The following ARMH4 variants were observed in gnomAD, a reference collection of about 807,000 sequenced individuals.
ARMH4 encodes armadillo-like helical domain-containing protein 4.
A neutral mutation model predicts 61.9 loss-of-function variants in ARMH4; 49 were observed. That is an observed-to-expected ratio of 0.79 (90% CI 0.63 to 1.00). The LOEUF (loss-of-function observed/expected upper bound fraction) is 1.00, where lower values mean the gene tolerates loss of function less well. Among genes scored for constraint, ARMH4 ranks in the 50% least tolerant of loss-of-function variants. ARMH4 has a pLI of 0.00. For missense variants in ARMH4, 934 were observed against 930.0 expected, an observed-to-expected ratio of 1.00 and a Z score of -0.06; for synonymous variants, 368 against 341.5, an observed-to-expected ratio of 1.08 and a Z score of -0.85.
chr14:58,101,993 TAA>T (rs569159689), intron 4 of ARMH4, among the ~76,000 whole-genome samples: 21 of 152,154 alleles, frequency 1.4e-4, no homozygotes, highest in African/African-American at 5.1e-4. Context: ...ATGCTGAGAA[TAA>T]AATGAAACTT....
At chr14:58,088,656 C>T (rs1357143902) in intron 5 of ARMH4, among the ~76,000 whole-genome samples, 10 of 152,184 alleles carry the variant, frequency 6.6e-5, no homozygotes, top group African/African-American at 2.2e-4. Flanking sequence ...CCCACTCATC[C>T]TGGATACAGG....
Position 58,138,791 on chromosome 14 carries a change from G to T in ARMH4, c.568C>A (p.Gln190Lys). ...TKGFLKYMDN[Q>K]SFATESQEGV... ...TCCTGACTTTCAGTTGCAAATGATTGATTATCCATATACTTCAGAAAACCT... is the reference window on the plus strand; with the variant it reads ...TCCTGACTTTCAGTTGCAAATGATTTATTATCCATATACTTCAGAAAACCT... Residue 190 changes from glutamine to lysine, a missense_variant, in exon 2 of 8, where the codon CAA becomes AAA. Coordinates refer to ENST00000267485, the MANE Select transcript of ARMH4 (RefSeq NM_001001872.4). 1 of 1,614,212 alleles carries T rather than the reference G, an allele frequency of 6.2e-7. No individual in the cohort carries two copies. Among genetic ancestry groups the T allele is most frequent in the South Asian group, 1.1e-5 (1 of 91,082 alleles).
chr14:58,020,237 G>T (rs546010920), intron 5 of ARMH4, among the ~76,000 whole-genome samples: 1 of 152,178 alleles, frequency 6.6e-6, no homozygotes, highest in Non-Finnish European at 1.5e-5. Context: ...ACTCTGGGGA[G>T]GGGTGAGGGC....
chr14:58,070,052 A>T (rs1457415104), intron 5 of ARMH4, among the ~76,000 whole-genome samples: 1 of 152,160 alleles, frequency 6.6e-6, no homozygotes, highest in African/African-American at 2.4e-5. Context: ...AAGAAGGGTA[A>T]ATTGAACAGT....
chr14:58,016,931 C>A (rs1027117812), intron 5 of ARMH4, among the ~76,000 whole-genome samples: 3 of 152,188 alleles, frequency 2.0e-5, no homozygotes, highest in African/African-American at 7.2e-5. Context: ...GACAAGGATG[C>A]TCACTCTTGC....
chr14:58,128,990 G>C (rs1175982333), intron 4 of ARMH4, among the ~76,000 whole-genome samples: 2 of 152,182 alleles, frequency 1.3e-5, no homozygotes, highest in African/African-American at 4.8e-5. Context: ...GAGTCATGCT[G>C]CCTCAAGCCA....
chr14:58,052,727 G>T (rs139110298), intron 5 of ARMH4, among the ~76,000 whole-genome samples: 3 of 152,030 alleles, frequency 2.0e-5, no homozygotes, highest in South Asian at 2.1e-4. Flanking sequence ...CATCATCACC[G>T]ACTCCCATGG....
At chr14:58,043,102 T>G (rs1351859359) in intron 5 of ARMH4, among the ~76,000 whole-genome samples, 1 of 152,176 alleles carries the variant, frequency 6.6e-6, no homozygotes, top group Non-Finnish European at 1.5e-5. Flanking sequence ...TAACTCATTT[T>G]ATGAGGCCAG....
intron 5 of ARMH4, among the ~76,000 whole-genome samples, chr14:58,024,195 C>T (rs1358091758): frequency 1.3e-5 from 2 of 152,152 alleles, no homozygotes; most frequent in African/African-American, 4.8e-5. Flanking sequence ...TAACATCTTC[C>T]AATATAAGAT....
At chr14:58,049,176 T>A (rs954620138) in intron 5 of ARMH4, among the ~76,000 whole-genome samples, 3 of 151,028 alleles carry the variant, frequency 2.0e-5, no homozygotes, top group Non-Finnish European at 4.4e-5. Context: ...GAGGCGGAGC[T>A]TGCAGTGAGC....
At chr14:58,125,590 A>G (rs1167556481) in intron 4 of ARMH4, among the ~76,000 whole-genome samples, 1 of 152,132 alleles carries the variant, frequency 6.6e-6, no homozygotes, top group Non-Finnish European at 1.5e-5. Context: ...AAAACTACCA[A>G]TCGTTCTTCA....
Position 58,088,857 on chromosome 14 carries a change from T to G in ARMH4, c.2089+7867A>C, listed in dbSNP as rs548165615. Among the ~76,000 whole-genome samples the G allele has an allele frequency of 2.3e-4, 35 of 152,314 alleles. No individual in the cohort carries two copies. In the South Asian group the frequency reaches 7.3e-3, roughly 32 times the overall value. On this transcript the variant is annotated intron_variant, in intron 5 of 7. Coordinates refer to ENST00000267485, the MANE Select transcript of ARMH4 (RefSeq NM_001001872.4). ...TAAAAGTAATGTACATTTTTGCTCA[T>G]GGGGATTCCATTCACAATGTACAGC... is the stretch of plus-strand genomic sequence containing the variant.
rs1176791457 is a variant in ARMH4, at chr14:58,131,739, C to G, written c.1622-18G>C. On this transcript the variant is annotated intron_variant, in intron 3 of 7. Transcript: ENST00000267485. ...CATTTGTTCTGCCAAACACAACAGA[C>G]AGGACTTGACCCACAAGATAATCAT... 6.2e-7 allele frequency: 1 copy of G among 1,605,234 alleles called. No homozygotes were observed. The highest frequency in any genetic ancestry group is 1.3e-5 in the African/African-American group (1 of 74,760).
chr14:58,141,955 T>C (rs1033507148), intron 1 of ARMH4, among the ~76,000 whole-genome samples: 5 of 152,170 alleles, frequency 3.3e-5, no homozygotes, highest in Non-Finnish European at 7.3e-5. Flanking sequence ...CCCATTATTA[T>C]AAGATAAAAA....
chr14:58,080,626 C>T (rs1885191403), intron 5 of ARMH4, among the ~76,000 whole-genome samples: 1 of 152,120 alleles, frequency 6.6e-6, no homozygotes, highest in Non-Finnish European at 1.5e-5. Context: ...TGAAAAACTA[C>T]CCATTGGGTA....
intron 5 of ARMH4, among the ~76,000 whole-genome samples, chr14:58,015,952 C>A (rs1392231098): frequency 9.5e-5 from 14 of 147,488 alleles, no homozygotes; most frequent in Admixed American, 8.0e-4. Flanking sequence ...AATAGGAAAA[C>A]TGACAACTGT....
chr14:58,043,566 AC>A (rs1442630124), intron 5 of ARMH4, among the ~76,000 whole-genome samples: 6 of 152,180 alleles, frequency 3.9e-5, no homozygotes, highest in African/African-American at 1.4e-4. Context: ...GTCCTCTCTC[AC>A]CACTCCTATT....
intron 5 of ARMH4, among the ~76,000 whole-genome samples, chr14:58,059,173 G>A (rs960184917): frequency 1.3e-5 from 2 of 152,244 alleles, no homozygotes; most frequent in South Asian, 2.1e-4. Flanking sequence ...GTCCTGTGGG[G>A]TTTAAGTGAT....
intron 5 of ARMH4, among the ~76,000 whole-genome samples, chr14:58,021,308 T>C (rs1239523009): frequency 6.6e-6 from 1 of 152,188 alleles, no homozygotes; most frequent in African/African-American, 2.4e-5. Context: ...GCTGTTCTCA[T>C]GATAGTGATT....
Sources: gnomAD v4.1 joint callset for allele counts (sites outside exome capture counted in the v4.1 genomes callset) on GRCh38, gnomAD v4.1.1 for gene constraint, MANE v1.5 for transcripts, NCBI Gene and HGNC (gene_info 2026-07-23, HGNC 2026-07-21) for gene names.